Variants in NFIC observed in about 807,000 individuals in gnomAD.
NFIC encodes the protein nuclear factor 1 C-type.
NFIC carries 12 observed loss-of-function variants against 54.4 expected under a neutral mutation model. The ratio of observed to expected loss-of-function variants is 0.22; its 90% CI spans 0.14 to 0.36. The LOEUF (loss-of-function observed/expected upper bound fraction) is 0.36. Among genes scored for constraint, NFIC ranks in the 10% least tolerant of loss-of-function variants. The pLI is 1.00. For synonymous variants in NFIC, 322 were observed against 319.2 expected (o/e 1.01, Z -0.09); for missense variants, 575 against 718.2 (o/e 0.80, Z 2.28).
upstream of NFIC, among the ~76,000 whole-genome samples, chr19:3,363,775 T>C (rs1328945544): frequency 2.0e-5 from 3 of 152,228 alleles, no homozygotes; most frequent in Admixed American, 6.5e-5. Context: ...CATTTGTGGT[T>C]GTCACGACTG....
intron 7 of NFIC, among the ~76,000 whole-genome samples, chr19:3,449,445 T>C (rs2082423288): frequency 1.3e-5 from 2 of 150,294 alleles, no homozygotes; most frequent in Admixed American, 6.6e-5. Flanking sequence ...CCCCAGACAC[T>C]GATGGACAGG....
chr19:3,440,206 CCTCTGGGGCGGGGCTGTCTTGGG>C (rs2082271732), intron 6 of NFIC, among the ~76,000 whole-genome samples: 1 of 152,084 alleles, frequency 6.6e-6, no homozygotes, highest in Non-Finnish European at 1.5e-5. Context: ...GCCAGACCAT[CCTCTGGGGCGGGGCTGTCTTGGG>C]CACTGTTGGG....
rs1358666946 is a variant in NFIC at position 3,382,162 on chromosome 19, G to A, written c.481G>A (p.Val161Ile). Reference protein sequence around the residue: ...LVKAAQCGHPVLCVQPHHIGV... With the variant: ...LVKAAQCGHPILCVQPHHIGV... Reference sequence around the variant, plus strand: ...CAAGGCTGCGCAGTGCGGTCACCCGGTCCTGTGCGTGCAGCCGCACCACAT... The same window carrying A: ...CAAGGCTGCGCAGTGCGGTCACCCGATCCTGTGCGTGCAGCCGCACCACAT... Residue 161 changes from valine to isoleucine, a missense_variant, in exon 2 of 11, where the codon GTC becomes ATC. By Grantham distance (29) the Val-to-Ile change is conservative (BLOSUM62 3). Around this residue, in one of 3 missense-constraint regions of NFIC, gnomAD observed 447 missense variants for 526.9 expected, o/e 0.85. Coordinates refer to ENST00000443272, the MANE Select transcript of NFIC (RefSeq NM_001245002.2). 6.2e-7 allele frequency: 1 copy of A among 1,612,856 alleles called. No individual in the cohort carries two copies.
Position 3,464,319 on chromosome 19 carries a change from G to GT in NFIC, c.*1551dup. The stretch of plus-strand genomic sequence containing the variant: ...GCACCTTGGGGCCCCCCGCAGCCGT[G>GT]TAGGGGGCCTCCCATCTGCTAAGCG... On this transcript the variant is annotated 3_prime_UTR_variant, in exon 11 of 11. Coordinates refer to ENST00000443272, the MANE Select transcript of NFIC (RefSeq NM_001245002.2). 1 of 985,246 alleles carries GT rather than the reference G, an allele frequency of 1.0e-6. No homozygotes were observed. The highest frequency in any genetic ancestry group is 1.2e-6 in the Non-Finnish European group (1 of 829,864). 61.0% of individuals were successfully genotyped at this position (985,246 alleles called of 1,614,324 possible).
chr19:3,420,880 G>A (rs181674336), intron 2 of NFIC, among the ~76,000 whole-genome samples: 1 of 152,130 alleles, frequency 6.6e-6, no homozygotes. Context: ...CCACCACCAC[G>A]CCCAGCTAAT....
In NFIC at chr19:3,433,665, C is replaced by A; in HGVS notation, c.709+73C>A. The A allele has an allele frequency of 2.7e-6, 4 of 1,493,616 alleles. No homozygotes were observed. The East Asian group carries it at 9.4e-5, about 35-fold the overall frequency. 92.5% of individuals were successfully genotyped at this position (1,493,616 alleles called of 1,614,324 possible). On this transcript the variant is annotated intron_variant, in intron 4 of 10. Coordinates refer to ENST00000443272, the MANE Select transcript of NFIC (RefSeq NM_001245002.2). ...GCCGCAGGGAGGAAGGAGCCCACCCCCCTCACCCTACTCCTTGTCCTTTCC... is the reference window on the plus strand; with the variant it reads ...GCCGCAGGGAGGAAGGAGCCCACCCACCTCACCCTACTCCTTGTCCTTTCC...
Position 3,370,607 on chromosome 19 carries a change from G to GTCTCCCTTC in NFIC, c.30+3949_30+3957dup, listed in dbSNP as rs1372376996. Among the ~76,000 whole-genome samples the GTCTCCCTTC allele has an allele frequency of 3.6e-5, 5 of 139,258 alleles. No homozygotes were observed. Among genetic ancestry groups the GTCTCCCTTC allele is most frequent in the Non-Finnish European group, 7.7e-5 (5 of 65,244 alleles). 91.4% of individuals were successfully genotyped at this position (139,258 alleles called of 152,430 possible). A position where few individuals can be genotyped will look rare whatever the true frequency, so the allele number is the denominator to read the frequency against. ...CCTCTTCCTTTCTCTCTCTCTCCCC[G>GTCTCCCTTC]TCTCCCTTCTCTCCCTCTCTCCTTC... is the stretch of plus-strand genomic sequence containing the variant. On this transcript the variant is annotated intron_variant, in intron 1 of 10. Coordinates refer to ENST00000443272, the MANE Select transcript of NFIC (RefSeq NM_001245002.2). This position sits in a 1 kb window ranked among gnomAD's most constrained non-coding sequence, Gnocchi z 5.2.
rs1192227497 is a variant in NFIC, at chr19:3,452,918, C to T, written c.1269+252C>T. ...TAGCACCCGTAGGTCCCAGCAACTG[C>T]GTGAGTCGTACTCATGTTAACACAA... On this transcript the variant is annotated intron_variant, in intron 8 of 10. Coordinates refer to ENST00000443272, the MANE Select transcript of NFIC (RefSeq NM_001245002.2). This position sits in a 1 kb window ranked among gnomAD's most constrained non-coding sequence, Gnocchi z 5.3. 2.6e-5 allele frequency among the ~76,000 whole-genome samples: 4 copies of T among 152,296 alleles called. No individual in the cohort carries two copies. The highest frequency in any genetic ancestry group is 2.1e-4 in the South Asian group (1 of 4,824).
chr19:3,435,229 G>A (rs752753003), intron 6 of NFIC, 22 bp downstream of exon 6: 8 of 1,553,248 alleles, frequency 5.2e-6, no homozygotes, highest in Non-Finnish European at 6.1e-6. Flanking sequence ...GGCGGGGGCG[G>A]AGCCGGCCTT....
intron 2 of NFIC, among the ~76,000 whole-genome samples, chr19:3,419,834 CAT>C (rs2081925894): frequency 6.6e-6 from 1 of 151,348 alleles, no homozygotes; most frequent in Non-Finnish European, 1.5e-5. Context: ...TTAAAAAACA[CAT>C]AAATTCCTAG....
At chr19:3,435,532 A>C (rs1307721607) in intron 6 of NFIC, among the ~76,000 whole-genome samples, 1 of 152,214 alleles carries the variant, frequency 6.6e-6, no homozygotes, top group Non-Finnish European at 1.5e-5. Context: ...TCTGATCAAC[A>C]GGGCGCCTCT....
intron 4 of NFIC, 146 bp from the exon 5 acceptor site, chr19:3,434,131 C>A: frequency 8.0e-7 from 1 of 1,250,560 alleles, no homozygotes; most frequent in Non-Finnish European, 1.1e-6. Flanking sequence ...TAGAATAAAA[C>A]TGGTTTCAGC....
Position 3,463,766 on chromosome 19 carries a change from C to G in NFIC, c.*997C>G, listed in dbSNP as rs1295022629. 3.0e-6 allele frequency: 3 copies of G among 985,400 alleles called. No homozygotes were observed. Among genetic ancestry groups the G allele is most frequent in the South Asian group, 9.4e-5 (2 of 21,278 alleles). The allele number at this position is 985,400 out of a possible 1,614,324, so 61.0% of individuals were successfully genotyped here. A position where few individuals can be genotyped will look rare whatever the true frequency, so the allele number is the denominator to read the frequency against. Reference sequence around the variant, plus strand: ...GGGAGCCCGGACACCCAGAGCTCCCCGAGTTGGGGGTGCCCGTCTGGAGCG... The same window carrying G: ...GGGAGCCCGGACACCCAGAGCTCCCGGAGTTGGGGGTGCCCGTCTGGAGCG... On this transcript the variant is annotated 3_prime_UTR_variant, in exon 11 of 11. Transcript: ENST00000443272.
At chr19:3,436,575 A>G (rs1403245231) in intron 6 of NFIC, among the ~76,000 whole-genome samples, 3 of 151,520 alleles carry the variant, frequency 2.0e-5, no homozygotes, top group Non-Finnish European at 2.9e-5. Context: ...CCTGAGTTCA[A>G]GCAATTCTCC....
At position 3,443,632 on chromosome 19, in the gene NFIC, A is replaced by G. The variant is rs547828240; in HGVS notation, c.959-5382A>G. On this transcript the variant is annotated intron_variant, in intron 6 of 10. Transcript: ENST00000443272. The stretch of plus-strand genomic sequence containing the variant: ...ATCATGGGACGCAGAGGATCATGGG[A>G]CGCAGAGTCTCTTGGGGGTCCATGG... 2.9e-4 allele frequency among the ~76,000 whole-genome samples: 44 copies of G among 151,938 alleles called. 2 individuals carry two copies. The South Asian group carries it at 3.5e-3, about 12-fold the overall frequency.
Position 3,463,681 on chromosome 19 carries a change from A to G in NFIC, c.*912A>G. On this transcript the variant is annotated 3_prime_UTR_variant, in exon 11 of 11. Coordinates refer to ENST00000443272, the MANE Select transcript of NFIC (RefSeq NM_001245002.2). ...CCCACCTCGCCCGGCTCACACCCCC[A>G]AAGGGAGGGACCCACATTGCACACA... is the stretch of plus-strand genomic sequence containing the variant. The G allele has an allele frequency of 1.2e-6, 1 of 867,790 alleles. No homozygotes were observed. The highest frequency in any genetic ancestry group is 1.3e-6 in the Non-Finnish European group (1 of 779,976). 53.8% of individuals were successfully genotyped at this position (867,790 alleles called of 1,614,324 possible).
At chr19:3,435,483 T>C (rs1264413516) in intron 6 of NFIC, among the ~76,000 whole-genome samples, 1 of 152,212 alleles carries the variant, frequency 6.6e-6, no homozygotes, top group Non-Finnish European at 1.5e-5. Flanking sequence ...GCCACATCTC[T>C]GTGGGGTCCC....
chr19:3,417,910 T>G (rs538439879), intron 2 of NFIC, among the ~76,000 whole-genome samples: 71 of 55,746 alleles, frequency 1.3e-3, no homozygotes, highest in Admixed American at 4.1e-3. Flanking sequence ...AGTGCTGGGA[T>G]TACAGGCGTG....
intron 6 of NFIC, among the ~76,000 whole-genome samples, chr19:3,437,945 C>T (rs2082231189): frequency 6.6e-6 from 1 of 152,150 alleles, no homozygotes; most frequent in Non-Finnish European, 1.5e-5. Flanking sequence ...ATCCGCCCAT[C>T]TCAGCCTCCC....
Sources: gnomAD v4.1 joint callset for allele counts (sites outside exome capture counted in the v4.1 genomes callset) on GRCh38, gnomAD v4.1.1 for gene constraint, gnomAD v4.1.1 regional missense constraint, Gnocchi (gnomAD v3.1) non-coding constraint, MANE v1.5 for transcripts, NCBI Gene and HGNC (gene_info 2026-07-23, HGNC 2026-07-21) for gene names.